Variants in FGGY observed in about 807,000 individuals in gnomAD.
FGGY encodes the protein FGGY carbohydrate kinase domain-containing protein.
In FGGY, 72 loss-of-function variants were observed where a neutral mutation model predicts 71.3. The observed-to-expected ratio is 1.01, with a 90% CI of 0.84 to 1.23. FGGY has a LOEUF of 1.23. Ranked by LOEUF, FGGY falls within the 50% of genes most tolerant of loss-of-function variation. FGGY has a pLI of 0.00. For synonymous variants in FGGY, 251 were observed against 250.3 expected, an observed-to-expected ratio of 1.00 and a Z score of -0.02; for missense variants, 668 against 682.3, an observed-to-expected ratio of 0.98 and a Z score of 0.23.
At chr1:59,549,166 T>C (rs1168960917) in intron 7 of FGGY, among the ~76,000 whole-genome samples, 2 of 152,194 alleles carry the variant, frequency 1.3e-5, no homozygotes, top group African/African-American at 4.8e-5. Context: ...TCAATTTGCA[T>C]GTATAAAGCT....
intron 8 of FGGY, among the ~76,000 whole-genome samples, chr1:59,556,681 C>T (rs767446697): frequency 6.6e-6 from 1 of 152,182 alleles, no homozygotes; most frequent in Non-Finnish European, 1.5e-5. Flanking sequence ...GCTTCAGATT[C>T]TTCATCCATC....
At chr1:59,368,884 G>T (rs1013377649) in intron 4 of FGGY, among the ~76,000 whole-genome samples, 1 of 152,064 alleles carries the variant, frequency 6.6e-6, no homozygotes, top group African/African-American at 2.4e-5. Context: ...AAGGTCAGGA[G>T]TTCACGACCA....
At chr1:59,312,854 T>C (rs763242631) in intron 1 of FGGY, among the ~76,000 whole-genome samples, 71 of 152,344 alleles carry the variant, frequency 4.7e-4, no homozygotes, top group Admixed American at 1.0e-3. Context: ...GCTGCCACAT[T>C]GTGAGGCACA....
At chr1:59,351,229 G>A (rs979626365) in intron 4 of FGGY, among the ~76,000 whole-genome samples, 1 of 152,148 alleles carries the variant, frequency 6.6e-6, no homozygotes, top group Non-Finnish European at 1.5e-5. Context: ...GTCGCCTACA[G>A]GGCAGAATAT....
chr1:59,439,809 CA>C (rs1458367186), intron 5 of FGGY, among the ~76,000 whole-genome samples: 2 of 152,028 alleles, frequency 1.3e-5, no homozygotes, highest in African/African-American at 4.8e-5. Flanking sequence ...TCTATATTTC[CA>C]AACCATTGAA....
chr1:59,554,045 G>T (rs1353758909), intron 7 of FGGY, 79 bp from the exon 8 acceptor site: 11 of 1,127,396 alleles, frequency 9.8e-6, no homozygotes, highest in African/African-American at 4.6e-5. Flanking sequence ...AAGAAGATTT[G>T]TTAATGCTTG....
chr1:59,437,451 T>G (rs2068719959), intron 5 of FGGY, among the ~76,000 whole-genome samples: 2 of 152,232 alleles, frequency 1.3e-5, no homozygotes, highest in South Asian at 4.1e-4. Context: ...GTTTCAAACA[T>G]ACACATCAGC....
intron 14 of FGGY, among the ~76,000 whole-genome samples, chr1:59,757,371 A>G (rs2098301007): frequency 6.6e-6 from 1 of 152,208 alleles, no homozygotes; most frequent in Non-Finnish European, 1.5e-5. Flanking sequence ...CTGAAGTCAC[A>G]TTCCAGAACT....
At chr1:59,730,123 ACACTTCAAATTAC>A (rs907907148) in intron 14 of FGGY, among the ~76,000 whole-genome samples, 9 of 152,000 alleles carry the variant, frequency 5.9e-5, no homozygotes, top group African/African-American at 2.2e-4. Context: ...TCAGCCCCCA[ACACTTCAAATTAC>A]CACTGAAGTG....
intron 8 of FGGY, among the ~76,000 whole-genome samples, chr1:59,592,430 A>G (rs368844758): frequency 0.031 from 4,720 of 152,216 alleles, 102 homozygotes; most frequent in Middle Eastern, 0.089. Context: ...CCATCCCATT[A>G]CTGGGTATAT....
At chr1:59,371,731 A>G (rs1276799306) in intron 4 of FGGY, among the ~76,000 whole-genome samples, 1 of 152,170 alleles carries the variant, frequency 6.6e-6, no homozygotes, top group African/African-American at 2.4e-5. Context: ...GTGCAATCAA[A>G]CTAGAACTCA....
chr1:59,547,564 T>G (rs2095546093), intron 7 of FGGY, among the ~76,000 whole-genome samples: 2 of 152,178 alleles, frequency 1.3e-5, no homozygotes, highest in Non-Finnish European at 2.9e-5. Context: ...TACTCTCCTT[T>G]TCTCTATTTG....
At chr1:59,686,221 C>G (rs758768650) in intron 14 of FGGY, among the ~76,000 whole-genome samples, 3 of 152,040 alleles carry the variant, frequency 2.0e-5, no homozygotes, top group Non-Finnish European at 4.4e-5. Flanking sequence ...TCACCTTTTT[C>G]CATGAATATT....
chr1:59,448,501 A>T (rs894544970), intron 5 of FGGY, among the ~76,000 whole-genome samples: 1 of 152,138 alleles, frequency 6.6e-6, no homozygotes, highest in African/African-American at 2.4e-5. Context: ...CATGCACTCC[A>T]GGAGTCTAAC....
At chr1:59,711,097 A>G (rs1438990307) in intron 14 of FGGY, among the ~76,000 whole-genome samples, 2 of 152,220 alleles carry the variant, frequency 1.3e-5, no homozygotes, top group African/African-American at 4.8e-5. Context: ...TACACAATGG[A>G]ATACTATGCA....
chr1:59,379,853 G>C (rs2059170734), intron 5 of FGGY, among the ~76,000 whole-genome samples: 1 of 151,510 alleles, frequency 6.6e-6, no homozygotes, highest in Non-Finnish European at 1.5e-5. Flanking sequence ...ACAACCTGCA[G>C]GTTTGTTAAT....
intron 7 of FGGY, among the ~76,000 whole-genome samples, chr1:59,532,631 A>G (rs1328870151): frequency 6.6e-6 from 1 of 152,200 alleles, no homozygotes; most frequent in Non-Finnish European, 1.5e-5. Context: ...TTTAAAAATC[A>G]TGGCAAACTA....
At chr1:59,694,931 A>C (rs1040790789) in intron 14 of FGGY, among the ~76,000 whole-genome samples, 2 of 152,170 alleles carry the variant, frequency 1.3e-5, no homozygotes, top group Non-Finnish European at 2.9e-5. Flanking sequence ...TGTTTCCCAA[A>C]TTTACTTGAT....
intron 7 of FGGY, among the ~76,000 whole-genome samples, chr1:59,549,386 G>A (rs972667940): frequency 1.3e-5 from 2 of 152,282 alleles, no homozygotes; most frequent in African/African-American, 4.8e-5. Context: ...AGGTGCCTGA[G>A]GTTATTAAAA....
Sources: gnomAD v4.1 joint callset for allele counts (sites outside exome capture counted in the v4.1 genomes callset) on GRCh38, gnomAD v4.1.1 for gene constraint, MANE v1.5 for transcripts, NCBI Gene and HGNC (gene_info 2026-07-23, HGNC 2026-07-21) for gene names.